MAGI2: variants seen among roughly 807,000 people sequenced by gnomAD.
MAGI2 encodes the protein membrane-associated guanylate kinase, WW and PDZ domain-containing protein 2.
A neutral mutation model predicts 133.3 loss-of-function variants in MAGI2; 35 were observed. The observed-to-expected ratio is 0.26, with a 90% CI of 0.20 to 0.35. MAGI2 has a LOEUF of 0.35. Among genes scored for constraint, MAGI2 ranks in the 10% least tolerant of loss-of-function variants. The pLI is 1.00. For missense variants in MAGI2, 1,636 were observed against 1,863.4 expected (o/e 0.88, Z 2.25); for synonymous variants, 729 against 710.6 (o/e 1.03, Z -0.41).
At chr7:78,630,274 G>GTA (rs1808823733) in intron 2 of MAGI2, among the ~76,000 whole-genome samples, 1 of 151,686 alleles carries the variant, frequency 6.6e-6, no homozygotes, top group Non-Finnish European at 1.5e-5. Context: ...TAACCCTACT[G>GTA]CACATACCAC....
In MAGI2 at chr7:79,198,730, T is replaced by C. The variant is rs1828317772; in HGVS notation, c.302-191524A>G. On this transcript the variant is annotated intron_variant, in intron 1 of 21. Coordinates refer to ENST00000354212, the MANE Select transcript of MAGI2 (RefSeq NM_012301.4). ...GGTGAAACCCTGTCTCTACTGAAAA[T>C]AAAAAAAATTAGCTGGGTGTGGTAG... Among the ~76,000 whole-genome samples the C allele has an allele frequency of 2.0e-5, 3 of 151,268 alleles. No individual in the cohort carries two copies. The South Asian group carries it at 6.3e-4, about 32-fold the overall frequency.
intron 3 of MAGI2, among the ~76,000 whole-genome samples, chr7:78,579,447 A>G (rs1802614388): frequency 6.6e-6 from 1 of 152,184 alleles, no homozygotes; most frequent in Non-Finnish European, 1.5e-5. Flanking sequence ...TAAAAGCAGG[A>G]TATAGATTTA....
At chr7:78,823,463 G>C (rs978027835) in intron 2 of MAGI2, among the ~76,000 whole-genome samples, 4 of 151,550 alleles carry the variant, frequency 2.6e-5, no homozygotes, top group Admixed American at 2.6e-4. Flanking sequence ...GGCGCCTGTA[G>C]TCCCAGCTAC....
chr7:79,045,530 G>A (rs1294489077), intron 1 of MAGI2, among the ~76,000 whole-genome samples: 1 of 152,164 alleles, frequency 6.6e-6, no homozygotes, highest in Non-Finnish European at 1.5e-5. Flanking sequence ...AAACAGGTTA[G>A]TGGTTGCCAG....
chr7:78,495,891 A>G (rs566590954), intron 5 of MAGI2, among the ~76,000 whole-genome samples: 255 of 152,218 alleles, frequency 1.7e-3, no homozygotes, highest in Middle Eastern at 0.01. Flanking sequence ...GAAAAAAAAT[A>G]TATGAAAAAA....
At chr7:78,029,695 G>A (rs553426919) in intron 21 of MAGI2, among the ~76,000 whole-genome samples, 8 of 146,190 alleles carry the variant, frequency 5.5e-5, no homozygotes, top group Non-Finnish European at 1.0e-4. Flanking sequence ...ACCATTGCGT[G>A]TTGAAAACCA....
In MAGI2 at chr7:78,343,975, A is replaced by G. The variant is rs1410346071; in HGVS notation, c.1226-15T>C. Reference sequence around the variant, plus strand: ...GAGTGGTTTTTCTACATTGGCCAATATAAGTTAAAAAAGAAAAAGGCATGT... The same window carrying G: ...GAGTGGTTTTTCTACATTGGCCAATGTAAGTTAAAAAAGAAAAAGGCATGT... On this transcript the variant is annotated splice_polypyrimidine_tract_variant and intron_variant, in intron 8 of 21. Transcript: ENST00000354212. 5 of 1,599,354 alleles carry G rather than the reference A, an allele frequency of 3.1e-6. No individual in the cohort carries two copies. The highest frequency in any genetic ancestry group is 1.1e-5 in the South Asian group (1 of 88,062).
intron 1 of MAGI2, among the ~76,000 whole-genome samples, chr7:79,391,530 T>TAG (rs1422284270): frequency 2.2e-5 from 2 of 91,724 alleles, no homozygotes; most frequent in African/African-American, 1.3e-4. Flanking sequence ...TATATATATA[T>TAG]ATATATAGAC....
chr7:79,310,282 T>A (rs1045552524), intron 1 of MAGI2, among the ~76,000 whole-genome samples: 1 of 149,630 alleles, frequency 6.7e-6, no homozygotes, highest in African/African-American at 2.5e-5. Flanking sequence ...CAGATGAAAG[T>A]ATTCTAAAGA....
intron 2 of MAGI2, among the ~76,000 whole-genome samples, chr7:78,868,930 TTTTTAG>T (rs1794809431): frequency 6.6e-6 from 1 of 152,132 alleles, no homozygotes; most frequent in Non-Finnish European, 1.5e-5. Context: ...ATTTTTTGTA[TTTTTAG>T]TAGAGACGGG....
chr7:79,100,129 C>T (rs147495544), intron 1 of MAGI2, among the ~76,000 whole-genome samples: 86 of 152,020 alleles, frequency 5.7e-4, no homozygotes, highest in African/African-American at 2.0e-3. Flanking sequence ...TTATTTAAAC[C>T]CTTTTGTTAT....
chr7:78,988,007 T>A (rs1354027659), intron 2 of MAGI2, among the ~76,000 whole-genome samples: 2 of 152,106 alleles, frequency 1.3e-5, no homozygotes, highest in African/African-American at 4.8e-5. Context: ...TATGCAGTGA[T>A]ATAACAAATG....
intron 3 of MAGI2, among the ~76,000 whole-genome samples, chr7:78,536,744 TTTG>T (rs1195945628): frequency 2.9e-5 from 4 of 137,266 alleles, no homozygotes; most frequent in Non-Finnish European, 3.1e-5. Context: ...TAGTTTTTTT[TTTG>T]TTTTTGTTGT....
At chr7:78,218,990 A>G (rs116322038) in intron 10 of MAGI2, among the ~76,000 whole-genome samples, 2,098 of 152,252 alleles carry the variant, frequency 0.014, 52 homozygotes, top group African/African-American at 0.048. Flanking sequence ...GGGGAACTGG[A>G]ACATTATCTT....
chr7:78,129,410 G>A (rs1821319448), intron 18 of MAGI2, among the ~76,000 whole-genome samples: 1 of 152,192 alleles, frequency 6.6e-6, no homozygotes, highest in Non-Finnish European at 1.5e-5. Flanking sequence ...CTTTGAATGT[G>A]TGAAACACTT....
chr7:79,307,895 G>T (rs878875440), intron 1 of MAGI2, among the ~76,000 whole-genome samples: 1 of 152,252 alleles, frequency 6.6e-6, no homozygotes, highest in Non-Finnish European at 1.5e-5. Flanking sequence ...GCCTTATTCT[G>T]AAATATGAAA....
intron 3 of MAGI2, among the ~76,000 whole-genome samples, chr7:78,622,310 C>A (rs1187760274): frequency 6.6e-6 from 1 of 151,912 alleles, no homozygotes; most frequent in Non-Finnish European, 1.5e-5. Context: ...GGTGTATTCA[C>A]AGAATATCAT....
At chr7:78,518,691 T>C (rs1050376554) in intron 4 of MAGI2, 2 of 152,198 alleles carry the variant, frequency 1.3e-5, no homozygotes, top group African/African-American at 4.8e-5. Flanking sequence ...TTAGTTGATA[T>C]AGGGCAGTGT....
intron 20 of MAGI2, among the ~76,000 whole-genome samples, chr7:78,093,129 C>T (rs1435848926): frequency 1.8e-5 from 2 of 110,172 alleles, no homozygotes; most frequent in Non-Finnish European, 3.6e-5. Context: ...GAGCGGGACT[C>T]CTTCTCCAAA....
Sources: allele counts gnomAD v4.1 joint callset (sites outside exome capture counted in the v4.1 genomes callset), GRCh38; gene constraint gnomAD v4.1.1; transcripts MANE v1.5; gene names NCBI Gene and HGNC (gene_info 2026-07-23, HGNC 2026-07-21).